EBF1: variants seen among roughly 807,000 people sequenced by gnomAD.
The protein encoded by EBF1 is EBF transcription factor 1, also known as transcription factor COE1.
A neutral mutation model predicts 68.4 loss-of-function variants in EBF1; 10 were observed. That is an observed-to-expected ratio of 0.15 (90% CI 0.09 to 0.25). The LOEUF (loss-of-function observed/expected upper bound fraction) is 0.25. EBF1 is among the 10% of genes least tolerant of loss of function. EBF1 has a pLI of 1.00. For missense variants in EBF1, 509 were observed against 794.4 expected, an observed-to-expected ratio of 0.64 and a Z score of 4.32; for synonymous variants, 298 against 299.8, an observed-to-expected ratio of 0.99 and a Z score of 0.06.
At chr5:158,966,740 T>C (rs542692125) in intron 6 of EBF1, among the ~76,000 whole-genome samples, 1 of 152,198 alleles carries the variant, frequency 6.6e-6, no homozygotes, top group East Asian at 1.9e-4. Flanking sequence ...GTTAAACTTG[T>C]CCCCCCGAAA....
chr5:158,732,901 C>T (rs2127550058), intron 10 of EBF1, among the ~76,000 whole-genome samples: 1 of 152,250 alleles, frequency 6.6e-6, no homozygotes, highest in East Asian at 1.9e-4. Flanking sequence ...AGTAAACTTT[C>T]AACCTGTCTC....
At chr5:158,971,137 C>T (rs1323316976) in intron 6 of EBF1, among the ~76,000 whole-genome samples, 4 of 152,206 alleles carry the variant, frequency 2.6e-5, no homozygotes, top group Non-Finnish European at 5.9e-5. Flanking sequence ...AATCTATCTT[C>T]GGAATAATGA....
intron 10 of EBF1, among the ~76,000 whole-genome samples, chr5:158,743,339 A>G (rs1484247665): frequency 6.6e-6 from 1 of 152,238 alleles, no homozygotes; most frequent in East Asian, 1.9e-4. Flanking sequence ...GATGTGTTCA[A>G]GTAGGGTTGG....
intron 6 of EBF1, among the ~76,000 whole-genome samples, chr5:158,927,156 A>C (rs1048958092): frequency 1.3e-5 from 2 of 152,230 alleles, no homozygotes; most frequent in Non-Finnish European, 2.9e-5. Context: ...ATTTCCATCA[A>C]CTATAAGTAG....
At chr5:158,840,154 C>T (rs1294880380) in intron 6 of EBF1, 44 bp from the exon 7 acceptor site, 2 of 1,499,900 alleles carry the variant, frequency 1.3e-6, no homozygotes, top group African/African-American at 1.4e-5. Flanking sequence ...CGGTTTCTGA[C>T]ACGGGAGGGA....
intron 6 of EBF1, among the ~76,000 whole-genome samples, chr5:158,940,763 GCCCCCC>G (rs1281689924): frequency 1.1e-3 from 7 of 6,360 alleles, no homozygotes; most frequent in Non-Finnish European, 2.2e-3. Flanking sequence ...TCACCCCACC[GCCCCCC>G]CCCCCCCCCC....
rs557375818 is a variant in EBF1 at position 158,998,347 on chromosome 5, C to T, written c.554+75049G>A. 2.2e-4 allele frequency among the ~76,000 whole-genome samples: 34 copies of T among 152,244 alleles called. No homozygotes were observed. In the East Asian group the frequency reaches 2.7e-3, roughly 12 times the overall value. The stretch of plus-strand genomic sequence containing the variant: ...CCCTTCTCTAAAACTGCCCCTACTC[C>T]GCAAGCTCTAGCCCCTAACCCTGCC... On this transcript the variant is annotated intron_variant, in intron 6 of 15. Transcript: ENST00000313708.
At chr5:158,955,017 G>T (rs2127515319) in intron 6 of EBF1, among the ~76,000 whole-genome samples, 1 of 152,174 alleles carries the variant, frequency 6.6e-6, no homozygotes, top group Admixed American at 6.5e-5. Flanking sequence ...AATCCTCAGG[G>T]GAAAAAAATT....
At chr5:158,770,661 G>A (rs1312393745) in intron 10 of EBF1, among the ~76,000 whole-genome samples, 1 of 151,924 alleles carries the variant, frequency 6.6e-6, no homozygotes, top group Non-Finnish European at 1.5e-5. Flanking sequence ...CCCACCCAGG[G>A]CCTTCTCATT....
At chr5:159,073,744 C>T (rs899186288) in intron 5 of EBF1, 10 of 422,686 alleles carry the variant, frequency 2.4e-5, no homozygotes, top group Non-Finnish European at 3.9e-5. Flanking sequence ...TGACTGCCCG[C>T]GGTGCTGGCA....
At chr5:158,857,348 C>T (rs1794233584) in intron 6 of EBF1, among the ~76,000 whole-genome samples, 1 of 152,092 alleles carries the variant, frequency 6.6e-6, no homozygotes, top group Non-Finnish European at 1.5e-5. Context: ...AAACTCTCTC[C>T]TCTGTGCTTC....
At chr5:158,778,079 C>T (rs1278743411) in intron 9 of EBF1, among the ~76,000 whole-genome samples, 1 of 152,058 alleles carries the variant, frequency 6.6e-6, no homozygotes, top group Admixed American at 6.6e-5. Context: ...ATCTGCCTCC[C>T]TGGAATAGCT....
intron 6 of EBF1, among the ~76,000 whole-genome samples, chr5:158,923,586 G>A (rs1808918921): frequency 6.6e-6 from 1 of 152,160 alleles, no homozygotes; most frequent in Non-Finnish European, 1.5e-5. Flanking sequence ...TGAAAGTGCT[G>A]GGTGGCGGGA....
intron 6 of EBF1, among the ~76,000 whole-genome samples, chr5:159,065,105 T>C (rs1776561987): frequency 6.6e-6 from 1 of 152,072 alleles, no homozygotes; most frequent in African/African-American, 2.4e-5. Flanking sequence ...ATCAGAATAC[T>C]TATGAACGAG....
intron 6 of EBF1, among the ~76,000 whole-genome samples, chr5:159,033,418 G>A (rs1048803708): frequency 6.6e-6 from 1 of 152,164 alleles, no homozygotes; most frequent in Non-Finnish European, 1.5e-5. Context: ...GCTTCACATG[G>A]CTTCCTTTCC....
At chr5:159,005,949 C>T (rs910682509) in intron 6 of EBF1, among the ~76,000 whole-genome samples, 2 of 152,160 alleles carry the variant, frequency 1.3e-5, no homozygotes, top group Non-Finnish European at 2.9e-5. Flanking sequence ...TTGACTTTTC[C>T]TGTGTACTAA....
At chr5:159,059,938 C>T (rs1775486705) in intron 6 of EBF1, among the ~76,000 whole-genome samples, 1 of 152,212 alleles carries the variant, frequency 6.6e-6, no homozygotes, top group South Asian at 2.1e-4. Flanking sequence ...CTCCACACTG[C>T]TGTTGAGGTC....
chr5:159,097,241 A>C, intron 1 of EBF1, 111 bp from the exon 2 acceptor site: 3 of 1,259,842 alleles, frequency 2.4e-6, no homozygotes, highest in Non-Finnish European at 3.2e-6. Context: ...TTCCCCCAAA[A>C]CATCCAGTGG....
intron 6 of EBF1, among the ~76,000 whole-genome samples, chr5:158,936,315 C>A (rs1413827431): frequency 6.6e-6 from 1 of 152,190 alleles, no homozygotes; most frequent in African/African-American, 2.4e-5. Context: ...ACAGACACTG[C>A]AGGCAAAGGG....
Sources: allele counts gnomAD v4.1 joint callset (sites outside exome capture counted in the v4.1 genomes callset), GRCh38; gene constraint gnomAD v4.1.1; transcripts MANE v1.5; gene names NCBI Gene and HGNC (gene_info 2026-07-23, HGNC 2026-07-21).